UHRF2: variants seen among roughly 807,000 people sequenced by gnomAD.
UHRF2 encodes ubiquitin like with PHD and ring finger domains 2, also known as E3 ubiquitin-protein ligase UHRF2.
A neutral mutation model predicts 96.8 loss-of-function variants in UHRF2; 23 were observed. The observed-to-expected ratio is 0.24, with a 90% confidence interval of 0.17 to 0.34. UHRF2 has a LOEUF of 0.34. UHRF2 is among the 10% of genes least tolerant of loss of function. The pLI is 1.00. For missense variants in UHRF2, 685 were observed against 981.5 expected, an observed-to-expected ratio of 0.70 and a Z score of 4.04; for synonymous variants, 385 against 332.6, an observed-to-expected ratio of 1.16 and a Z score of -1.72.
At chr9:6,488,511 C>T (rs1487797920) in intron 9 of UHRF2, among the ~76,000 whole-genome samples, 1 of 147,572 alleles carries the variant, frequency 6.8e-6, no homozygotes, top group Non-Finnish European at 1.5e-5. Flanking sequence ...TAACCTCTGA[C>T]AACCACTAAT....
At chr9:6,439,988 TAGTA>T (rs1021067895) in intron 3 of UHRF2, among the ~76,000 whole-genome samples, 9 of 152,232 alleles carry the variant, frequency 5.9e-5, no homozygotes, top group African/African-American at 1.9e-4. Flanking sequence ...TGTTTCATTT[TAGTA>T]AGTGTGTACT....
At chr9:6,417,605 G>A (rs1819681590) in intron 1 of UHRF2, among the ~76,000 whole-genome samples, 1 of 152,138 alleles carries the variant, frequency 6.6e-6, no homozygotes. Flanking sequence ...TGTTATTGCG[G>A]TAGATAAATG....
intron 9 of UHRF2, among the ~76,000 whole-genome samples, chr9:6,493,040 G>C (rs888849996): frequency 6.6e-6 from 1 of 152,178 alleles, no homozygotes; most frequent in Admixed American, 6.5e-5. Context: ...GGTCATGCCT[G>C]TAATCCCAGC....
chr9:6,462,580 G>C (rs1175714279), intron 4 of UHRF2, among the ~76,000 whole-genome samples: 1 of 152,098 alleles, frequency 6.6e-6, no homozygotes, highest in Non-Finnish European at 1.5e-5. Flanking sequence ...TACACAGTAG[G>C]ATAACAGCAC....
intron 4 of UHRF2, among the ~76,000 whole-genome samples, chr9:6,465,465 G>T (rs541378): frequency 1.3e-5 from 2 of 151,878 alleles, no homozygotes; most frequent in African/African-American, 4.8e-5. Flanking sequence ...TTTATGGTCA[G>T]TTCGGTTTCT....
intron 3 of UHRF2, among the ~76,000 whole-genome samples, chr9:6,448,797 C>T (rs890579158): frequency 1.3e-5 from 2 of 152,198 alleles, no homozygotes; most frequent in Non-Finnish European, 2.9e-5. Context: ...AGACAGACTA[C>T]TTGTCTTCAT....
At chr9:6,467,207 C>T (rs979393379) in intron 4 of UHRF2, among the ~76,000 whole-genome samples, 10 of 152,166 alleles carry the variant, frequency 6.6e-5, no homozygotes, top group African/African-American at 1.7e-4. Context: ...ATGTTTCAGA[C>T]GCCTCCCACA....
At chr9:6,500,283 A>G (rs1816218735) in intron 13 of UHRF2, among the ~76,000 whole-genome samples, 2 of 152,176 alleles carry the variant, frequency 1.3e-5, no homozygotes, top group South Asian at 4.1e-4. Flanking sequence ...ACTTTTTAAT[A>G]AAGAGAAATA....
chr9:6,413,677 G>T lies in UHRF2; in HGVS notation c.153+34G>T, dbSNP rs202179265. Reference sequence around the variant, plus strand: ...CGCCCGCCGCGCCCCTAGCGAGGCTGGGGGCCGGAACAGCTGGGCTCCTCT... The same window carrying T: ...CGCCCGCCGCGCCCCTAGCGAGGCTTGGGGCCGGAACAGCTGGGCTCCTCT... On this transcript the variant is annotated intron_variant, in intron 1 of 15. Transcript: ENST00000276893. 32 of 1,528,364 alleles carry T rather than the reference G, an allele frequency of 2.1e-5. No homozygotes were observed. The South Asian group carries it at 3.8e-4, about 18-fold the overall frequency. The allele number at this position is 1,528,364 out of a possible 1,614,324, so 94.7% of individuals were successfully genotyped here.
At chr9:6,492,649 C>T (rs527649153) in intron 9 of UHRF2, 1 of 152,816 alleles carries the variant, frequency 6.5e-6, no homozygotes, top group African/African-American at 2.4e-5. Context: ...ACATCATTGT[C>T]TAAGTTGTCT....
At chr9:6,456,435 C>A (rs1307021877) in intron 3 of UHRF2, among the ~76,000 whole-genome samples, 2 of 152,068 alleles carry the variant, frequency 1.3e-5, no homozygotes, top group Admixed American at 1.3e-4. Context: ...GATATTAGCC[C>A]TTTGTCAGAT....
chr9:6,419,771 C>G (rs1354001999), intron 1 of UHRF2, among the ~76,000 whole-genome samples: 2 of 152,108 alleles, frequency 1.3e-5, no homozygotes, highest in East Asian at 3.9e-4. Flanking sequence ...GACAGGGTCT[C>G]ACTCTGTTGC....
At chr9:6,484,417 C>G (rs1824127891) in intron 8 of UHRF2, among the ~76,000 whole-genome samples, 1 of 146,630 alleles carries the variant, frequency 6.8e-6, no homozygotes, top group Non-Finnish European at 1.5e-5. Context: ...CCTCCCTCCT[C>G]CCTCCTCCCT....
chr9:6,492,772 A>G (rs554526954), intron 9 of UHRF2: 27 of 150,556 alleles, frequency 1.8e-4, no homozygotes, highest in African/African-American at 6.1e-4. Flanking sequence ...TGAATCAGAT[A>G]GAGACAATAA....
At chr9:6,434,999 G>GT (rs58171060) in intron 3 of UHRF2, among the ~76,000 whole-genome samples, 6 of 145,576 alleles carry the variant, frequency 4.1e-5, no homozygotes, top group South Asian at 2.2e-4. Flanking sequence ...TGTTTGGCTA[G>GT]TTTTTTTTTT....
At chr9:6,482,428 A>C (rs1465878676) in intron 8 of UHRF2, among the ~76,000 whole-genome samples, 2 of 152,200 alleles carry the variant, frequency 1.3e-5, no homozygotes, top group East Asian at 3.8e-4. Flanking sequence ...GCAAATTCTC[A>C]TTGAATGTCG....
rs558293724 is a variant in UHRF2 at position 6,477,507 on chromosome 9, C to A, written c.974-115C>A. 336 of 999,672 alleles carry A rather than the reference C, an allele frequency of 3.4e-4. 3 individuals are homozygous for A. The South Asian group carries it at 6.2e-3, about 18-fold the overall frequency. The allele number at this position is 999,672 out of a possible 1,614,324, so 61.9% of individuals were successfully genotyped here. ...CGCCATTGCACTCCAGCCTGGGTAA[C>A]AAGAGCAAAACTCCATTTCAAAAAA... is the stretch of plus-strand genomic sequence containing the variant. On this transcript the variant is annotated intron_variant, in intron 5 of 15. Coordinates refer to ENST00000276893, the MANE Select transcript of UHRF2 (RefSeq NM_152896.3).
chr9:6,486,163 G>T (rs1824278618), intron 8 of UHRF2, among the ~76,000 whole-genome samples: 1 of 152,146 alleles, frequency 6.6e-6, no homozygotes, highest in African/African-American at 2.4e-5. Flanking sequence ...GTCAAAAGCA[G>T]AATTATTTTT....
chr9:6,500,682 A>G lies in UHRF2; in HGVS notation c.2136A>G (p.Glu712=), dbSNP rs1816239462. The part of the protein sequence containing the change: ...EDCQNQKLWD[E]VLSHLVEGPN... Reference sequence around the variant, plus strand: ...GTCAAAACCAGAAGCTGTGGGATGAAGTGCTTTCACATCTTGTGGAAGGAC... The same window carrying G: ...GTCAAAACCAGAAGCTGTGGGATGAGGTGCTTTCACATCTTGTGGAAGGAC... Residue 712 remains glutamate, a synonymous_variant, in exon 14 of 16, where the codon GAA becomes GAG. Coordinates refer to ENST00000276893, the MANE Select transcript of UHRF2 (RefSeq NM_152896.3). 1 of 1,613,462 alleles carries G rather than the reference A, an allele frequency of 6.2e-7. No individual in the cohort carries two copies. Among genetic ancestry groups the G allele is most frequent in the South Asian group, 1.1e-5 (1 of 90,914 alleles).
Sources: allele counts gnomAD v4.1 joint callset (sites outside exome capture counted in the v4.1 genomes callset), GRCh38; gene constraint gnomAD v4.1.1; transcripts MANE v1.5; gene names NCBI Gene and HGNC (gene_info 2026-07-23, HGNC 2026-07-21).